Variants in MAP3K4 observed in about 807,000 individuals in gnomAD.
The protein encoded by MAP3K4 is mitogen-activated protein kinase kinase kinase 4.
In MAP3K4, 67 loss-of-function variants were observed where a neutral mutation model predicts 185.6. That is an observed-to-expected ratio of 0.36 (90% CI 0.30 to 0.44). The LOEUF (loss-of-function observed/expected upper bound fraction) is 0.44, where lower values mean the gene tolerates loss of function less well. Among genes scored for constraint, MAP3K4 ranks in the 20% least tolerant of loss-of-function variants. MAP3K4 has a pLI of 1.00. For missense variants in MAP3K4, 1,551 were observed against 1,995.1 expected, an observed-to-expected ratio of 0.78 and a Z score of 4.24; for synonymous variants, 702 against 710.4, an observed-to-expected ratio of 0.99 and a Z score of 0.19.
intron 1 of MAP3K4, among the ~76,000 whole-genome samples, chr6:161,003,660 T>C (rs79707950): frequency 1.4e-3 from 214 of 152,274 alleles, no homozygotes; most frequent in African/African-American, 5.0e-3. Context: ...AGCAGCAAGG[T>C]AGAACGAAAA....
Position 161,022,693 on chromosome 6 carries a change from C to T in MAP3K4, c.153-11566C>T, listed in dbSNP as rs1782457096. On this transcript the variant is annotated intron_variant, in intron 1 of 26. Coordinates refer to ENST00000392142, the MANE Select transcript of MAP3K4 (RefSeq NM_005922.4). The surrounding 1 kb of genome is among the most constrained non-coding windows in gnomAD (Gnocchi z 4.2). ...CACTTGCAAGATGAGCCATCCTTTTCCCTACTCTGGGGCTCAGGAATTATG... is the reference window on the plus strand; with the variant it reads ...CACTTGCAAGATGAGCCATCCTTTTTCCTACTCTGGGGCTCAGGAATTATG... 6.6e-6 allele frequency among the ~76,000 whole-genome samples: 1 copy of T among 152,160 alleles called. No homozygotes were observed. Among genetic ancestry groups the T allele is most frequent in the Non-Finnish European group, 1.5e-5 (1 of 68,028 alleles).
Position 160,992,072 on chromosome 6 carries a change from C to A in MAP3K4, c.141C>A (p.Cys47Ter). 6.4e-7 allele frequency: 1 copy of A among 1,574,184 alleles called. No homozygotes were observed. The highest frequency in any genetic ancestry group is 8.6e-7 in the Non-Finnish European group (1 of 1,165,996). ...EPETESEPEC[C>*]LAARQEGTLG... ...AGACCGAGTCAGAACCCGAGTGCTGCTTGGCGGCGAGGTGAGTGTGGCGGC... is the reference window on the plus strand; with the variant it reads ...AGACCGAGTCAGAACCCGAGTGCTGATTGGCGGCGAGGTGAGTGTGGCGGC... Residue 47 changes from cysteine (C) to a stop codon, truncating the protein, a stop_gained, in exon 1 of 27, where the codon TGC becomes TGA. Coordinates refer to ENST00000392142, the MANE Select transcript of MAP3K4 (RefSeq NM_005922.4). LOFTEE classifies it high-confidence loss of function.
chr6:161,069,149 T>A (rs1315361095), intron 3 of MAP3K4, among the ~76,000 whole-genome samples: 3 of 152,166 alleles, frequency 2.0e-5, no homozygotes, highest in Non-Finnish European at 2.9e-5. Flanking sequence ...AATGAAGAAA[T>A]CAACCCTGAG....
chr6:161,024,998 GCCATCCATCCATCCATCCACCCAT>G (rs1001914280), intron 1 of MAP3K4, among the ~76,000 whole-genome samples: 1 of 150,604 alleles, frequency 6.6e-6, no homozygotes, highest in Non-Finnish European at 1.5e-5. Context: ...CACCCACCCA[GCCATCCATCCATCCATCCACCCAT>G]CCATCCATCC....
Position 161,096,067 on chromosome 6 carries a change from C to G in MAP3K4, c.3428-1013C>G, listed in dbSNP as rs560401359. Among the ~76,000 whole-genome samples, 176 of 151,914 alleles carry G rather than the reference C, an allele frequency of 1.2e-3. No homozygotes were observed. Among genetic ancestry groups the G allele is most frequent in the African/African-American group, 4.1e-3 (169 of 41,436 alleles). The stretch of plus-strand genomic sequence containing the variant: ...CCATTTGTTACTATTGAATTTCTTC[C>G]ATTTGCCATTGTAATAGCTAGGATA... On this transcript the variant is annotated intron_variant, in intron 15 of 26. Coordinates refer to ENST00000392142, the MANE Select transcript of MAP3K4 (RefSeq NM_005922.4). The surrounding 1 kb of genome is among the most constrained non-coding windows in gnomAD (Gnocchi z 4.9).
rs1260185415 is a variant in MAP3K4 at position 161,061,236 on chromosome 6, G to A, written c.1708-9372G>A. Among the ~76,000 whole-genome samples the A allele has an allele frequency of 6.6e-6, 1 of 152,162 alleles. No individual in the cohort carries two copies. Among genetic ancestry groups the A allele is most frequent in the African/African-American group, 2.4e-5 (1 of 41,428 alleles). On this transcript the variant is annotated intron_variant, in intron 3 of 26. Coordinates refer to ENST00000392142, the MANE Select transcript of MAP3K4 (RefSeq NM_005922.4). This position sits in a 1 kb window ranked among gnomAD's most constrained non-coding sequence, Gnocchi z 4.2. Reference sequence around the variant, plus strand: ...CAGGTGTGACAGAATATCAGATACTGACTATATTCCAAAATAGACAATCAT... The same window carrying A: ...CAGGTGTGACAGAATATCAGATACTAACTATATTCCAAAATAGACAATCAT...
At position 161,109,702 on chromosome 6, in the gene MAP3K4, C is replaced by G. The variant is rs139959034; in HGVS notation, c.4237-53C>G. ...GGAAGTTTTCCAGATTTTTCACTAGCGTACATCTAAGGAAAACCGTAAACA... is the reference window on the plus strand; with the variant it reads ...GGAAGTTTTCCAGATTTTTCACTAGGGTACATCTAAGGAAAACCGTAAACA... On this transcript the variant is annotated intron_variant, in intron 22 of 26. Coordinates refer to ENST00000392142, the MANE Select transcript of MAP3K4 (RefSeq NM_005922.4). The surrounding 1 kb of genome is among the most constrained non-coding windows in gnomAD (Gnocchi z 5.7). 2.2e-4 allele frequency: 348 copies of G among 1,593,984 alleles called. 3 individuals carry two copies. In the South Asian group the frequency reaches 3.6e-3, roughly 17 times the overall value.
chr6:161,088,165 GA>G lies in MAP3K4; in HGVS notation c.2823+214del, dbSNP rs1378170208. 1.3e-5 allele frequency among the ~76,000 whole-genome samples: 2 copies of G among 152,130 alleles called. No individual in the cohort carries two copies. The highest frequency in any genetic ancestry group is 4.8e-5 in the African/African-American group (2 of 41,404). On this transcript the variant is annotated intron_variant, in intron 10 of 26. Coordinates refer to ENST00000392142, the MANE Select transcript of MAP3K4 (RefSeq NM_005922.4). This position sits in a 1 kb window ranked among gnomAD's most constrained non-coding sequence, Gnocchi z 4.5. ...TAAGTTAAATTATACTGGAATACTT[GA>G]AATAAACCATCTATCTGGTTTATAT...
intron 1 of MAP3K4, among the ~76,000 whole-genome samples, chr6:161,018,425 C>T (rs545031618): frequency 1.3e-5 from 2 of 152,100 alleles, no homozygotes; most frequent in African/African-American, 2.4e-5. Flanking sequence ...GTCTTTGTTG[C>T]GTTGGACATT....
chr6:161,057,725 T>C (rs1784307631), intron 3 of MAP3K4, among the ~76,000 whole-genome samples: 1 of 152,242 alleles, frequency 6.6e-6, no homozygotes, highest in Non-Finnish European at 1.5e-5. Flanking sequence ...CTTAATACAG[T>C]TGTTAGAGTT....
At position 161,053,574 on chromosome 6, in the gene MAP3K4, A is replaced by C. The variant is rs181917500; in HGVS notation, c.1707+3595A>C. 1.9e-4 allele frequency among the ~76,000 whole-genome samples: 29 copies of C among 152,286 alleles called. No homozygotes were observed. The highest frequency in any genetic ancestry group is 3.2e-4 in the Non-Finnish European group (22 of 68,014). On this transcript the variant is annotated intron_variant, in intron 3 of 26. Coordinates refer to ENST00000392142, the MANE Select transcript of MAP3K4 (RefSeq NM_005922.4). This position sits in a 1 kb window ranked among gnomAD's most constrained non-coding sequence, Gnocchi z 4.2. Reference sequence around the variant, plus strand: ...TACATTTTAGGCAGTAAAACCTTTTAGGTTTGAGGACTTTTTTGTTTGTTT... The same window carrying C: ...TACATTTTAGGCAGTAAAACCTTTTCGGTTTGAGGACTTTTTTGTTTGTTT...
In MAP3K4 at chr6:161,076,014, G is replaced by A. The variant is rs1391084219; in HGVS notation, c.2097+2402G>A. Among the ~76,000 whole-genome samples, 6 of 152,208 alleles carry A rather than the reference G, an allele frequency of 3.9e-5. No homozygotes were observed. Among genetic ancestry groups the A allele is most frequent in the East Asian group, 3.9e-4 (2 of 5,174 alleles). On this transcript the variant is annotated intron_variant, in intron 5 of 26. Transcript: ENST00000392142. This position sits in a 1 kb window ranked among gnomAD's most constrained non-coding sequence, Gnocchi z 4.2. ...TAACACCCTTGTCTGGAAACCCACC[G>A]AAAACAGCAAATGGAAAAATTCCTT...
intron 1 of MAP3K4, among the ~76,000 whole-genome samples, chr6:160,993,043 C>T (rs1583074008): frequency 6.6e-6 from 1 of 152,176 alleles, no homozygotes; most frequent in African/African-American, 2.4e-5. Flanking sequence ...GTAAAGTGTC[C>T]TCTTTTTCCT....
chr6:161,102,638 G>A, intron 18 of MAP3K4, 61 bp from the exon 19 acceptor site: 1 of 1,137,072 alleles, frequency 8.8e-7, no homozygotes, highest in East Asian at 2.6e-5. Context: ...CCTTTCAGTT[G>A]TTCTCAAATA....
In MAP3K4 at chr6:161,109,025, G is replaced by C; in HGVS notation, c.4236+166G>C. 3.2e-6 allele frequency: 5 copies of C among 1,561,512 alleles called. No homozygotes were observed. Among genetic ancestry groups the C allele is most frequent in the Non-Finnish European group, 4.3e-6 (5 of 1,157,550 alleles). On this transcript the variant is annotated intron_variant, in intron 22 of 26. Coordinates refer to ENST00000392142, the MANE Select transcript of MAP3K4 (RefSeq NM_005922.4). This position sits in a 1 kb window ranked among gnomAD's most constrained non-coding sequence, Gnocchi z 5.7. ...TTTCTGCCTTCTCTCTGAAACTAGA[G>C]GAGTTCCTCCTAAAATGTAAGTTGT...
chr6:161,029,425 C>T (rs886509928), intron 1 of MAP3K4, among the ~76,000 whole-genome samples: 2 of 152,160 alleles, frequency 1.3e-5, no homozygotes, highest in African/African-American at 4.8e-5. Context: ...TTTCTTTTCA[C>T]ACATTTTTCC....
At chr6:160,995,028 C>T (rs1353611257) in intron 1 of MAP3K4, among the ~76,000 whole-genome samples, 1 of 152,138 alleles carries the variant, frequency 6.6e-6, no homozygotes, top group African/African-American at 2.4e-5. Context: ...ATATTGTTTT[C>T]CACAGTAGTT....
rs1781657885 is a variant in MAP3K4 at position 161,007,762 on chromosome 6, T to A, written c.152+15679T>A. The stretch of plus-strand genomic sequence containing the variant: ...GTCATGCTTATTTAACTTATAGATA[T>A]TGAGCTTTTAGAGAGTAATGTTTCA... On this transcript the variant is annotated intron_variant, in intron 1 of 26. Transcript: ENST00000392142. This position sits in a 1 kb window ranked among gnomAD's most constrained non-coding sequence, Gnocchi z 4.5. Among the ~76,000 whole-genome samples, 1 of 152,208 alleles carries A rather than the reference T, an allele frequency of 6.6e-6. No homozygotes were observed. Among genetic ancestry groups the A allele is most frequent in the Non-Finnish European group, 1.5e-5 (1 of 68,018 alleles).
chr6:161,065,801 G>A (rs1784680590), intron 3 of MAP3K4, among the ~76,000 whole-genome samples: 1 of 152,012 alleles, frequency 6.6e-6, no homozygotes, highest in Admixed American at 6.6e-5. Context: ...AGTCTGGCGT[G>A]GTGGCGGGAG....
Sources: gnomAD v4.1 joint callset for allele counts (sites outside exome capture counted in the v4.1 genomes callset) on GRCh38, gnomAD v4.1.1 for gene constraint, Gnocchi (gnomAD v3.1) non-coding constraint, MANE v1.5 for transcripts, NCBI Gene and HGNC (gene_info 2026-07-23, HGNC 2026-07-21) for gene names.